The following SLC2A9 variants were observed in gnomAD, a reference collection of about 807,000 sequenced individuals.
SLC2A9 encodes solute carrier family 2, facilitated glucose transporter member 9.
SLC2A9 carries 39 observed loss-of-function variants against 50.6 expected under a neutral mutation model. That is an observed-to-expected ratio of 0.77 (90% CI 0.60 to 1.01). SLC2A9 has a LOEUF of 1.01. SLC2A9 is among the 50% of genes least tolerant of loss of function. The pLI, the probability that SLC2A9 is intolerant of heterozygous loss-of-function variation, is 0.00. For missense variants in SLC2A9, 686 were observed against 677.6 expected, an observed-to-expected ratio of 1.01 and a Z score of -0.14; for synonymous variants, 324 against 276.9, an observed-to-expected ratio of 1.17 and a Z score of -1.69.
intron 3 of SLC2A9, chr4:9,783,720 G>T (rs1718842201): frequency 2.5e-6 from 1 of 408,156 alleles, no homozygotes; most frequent in Non-Finnish European, 4.5e-6. Context: ...AGAGTATGGT[G>T]CTGGGTCCTT....
intron 10 of SLC2A9, among the ~76,000 whole-genome samples, chr4:9,862,548 G>T (rs1481186998): frequency 6.6e-6 from 1 of 151,988 alleles, no homozygotes; most frequent in Admixed American, 6.5e-5. Context: ...GAGGGTTGAA[G>T]AAAATATGTT....
chr4:9,776,354 C>T (rs1206432735), downstream of SLC2A9, among the ~76,000 whole-genome samples: 2 of 151,996 alleles, frequency 1.3e-5, no homozygotes, highest in Admixed American at 1.3e-4. Context: ...TGCGATCATC[C>T]TTCTCGCCAC....
intron 3 of SLC2A9, among the ~76,000 whole-genome samples, chr4:9,792,433 C>T (rs1419903340): frequency 6.6e-6 from 1 of 151,428 alleles, no homozygotes. Flanking sequence ...AGGGATTCTT[C>T]TGCCTCAGCC....
At chr4:10,019,319 G>T in intron 1 of SLC2A9, 1 of 563,826 alleles carries the variant, frequency 1.8e-6, no homozygotes, top group Non-Finnish European at 3.2e-6. Context: ...CTTCCGGGTT[G>T]CGTGAGGATT....
intron 1 of SLC2A9, among the ~76,000 whole-genome samples, chr4:10,036,893 G>T (rs1764124273): frequency 2.0e-5 from 3 of 152,228 alleles, no homozygotes; most frequent in Admixed American, 6.5e-5. Flanking sequence ...ACCCTGGTAA[G>T]TATCAGGAGG....
At chr4:9,913,326 TGTGTGAGA>T (rs1280828247) in intron 7 of SLC2A9, among the ~76,000 whole-genome samples, 155 of 129,864 alleles carry the variant, frequency 1.2e-3, no homozygotes, top group African/African-American at 4.8e-3. Flanking sequence ...TGTGTGTGTG[TGTGTGAGA>T]GAGAGAGAGA....
intron 5 of SLC2A9, among the ~76,000 whole-genome samples, chr4:9,943,192 C>T (rs1439367168): frequency 6.6e-6 from 1 of 152,162 alleles, no homozygotes; most frequent in Non-Finnish European, 1.5e-5. Flanking sequence ...TCTAGGATCC[C>T]ATGAAGGGAG....
intron 3 of SLC2A9, among the ~76,000 whole-genome samples, chr4:9,785,718 A>G (rs1230809449): frequency 1.3e-5 from 2 of 152,268 alleles, no homozygotes; most frequent in Non-Finnish European, 2.9e-5. Flanking sequence ...GATGCTGGGA[A>G]TGTAGTTGTC....
At chr4:9,785,092 T>C (rs1000341099) in intron 3 of SLC2A9, among the ~76,000 whole-genome samples, 8 of 152,122 alleles carry the variant, frequency 5.3e-5, no homozygotes, top group African/African-American at 1.9e-4. Context: ...TGTGAATGGA[T>C]AGCTAAGCGA....
chr4:9,953,087 C>G (rs1750602617), intron 5 of SLC2A9, among the ~76,000 whole-genome samples: 1 of 152,220 alleles, frequency 6.6e-6, no homozygotes, highest in African/African-American at 2.4e-5. Flanking sequence ...TTCACAAGTT[C>G]TGTGACTTTA....
intron 5 of SLC2A9, among the ~76,000 whole-genome samples, chr4:9,964,321 G>A (rs1752737136): frequency 6.6e-6 from 1 of 152,144 alleles, no homozygotes; most frequent in South Asian, 2.1e-4. Context: ...AACACGTTTT[G>A]AGAACTCTGG....
intron 11 of SLC2A9, among the ~76,000 whole-genome samples, chr4:9,830,473 C>A (rs1017509432): frequency 6.6e-6 from 1 of 152,210 alleles, no homozygotes; most frequent in Non-Finnish European, 1.5e-5. Context: ...CATGTGTTTA[C>A]TTGTGTAACA....
In SLC2A9 at chr4:9,930,533, C is replaced by T. The variant is rs151036328; in HGVS notation, c.815-9961G>A. On this transcript the variant is annotated intron_variant, in intron 6 of 11. Coordinates refer to ENST00000264784, the MANE Select transcript of SLC2A9 (RefSeq NM_020041.3). Reference sequence around the variant, plus strand: ...CTGTCAGCTCGGGGCAGCGCTTGCACTAGGGGAAGGCTCATGGCAGATGCT... The same window carrying T: ...CTGTCAGCTCGGGGCAGCGCTTGCATTAGGGGAAGGCTCATGGCAGATGCT... Among the ~76,000 whole-genome samples, 395 of 152,292 alleles carry T rather than the reference C, an allele frequency of 2.6e-3. 6 individuals are homozygous for T. The highest frequency in any genetic ancestry group is 9.3e-3 in the African/African-American group (386 of 41,566).
At chr4:9,848,617 T>C (rs1729375811) in intron 10 of SLC2A9, among the ~76,000 whole-genome samples, 1 of 152,070 alleles carries the variant, frequency 6.6e-6, no homozygotes, top group Non-Finnish European at 1.5e-5. Context: ...GTCTCTTGGG[T>C]GCTTGACAGA....
intron 11 of SLC2A9, among the ~76,000 whole-genome samples, chr4:9,829,141 C>T (rs1324510313): frequency 6.6e-6 from 1 of 152,182 alleles, no homozygotes; most frequent in African/African-American, 2.4e-5. Context: ...CAGTAGCTCA[C>T]ACCTGTAATC....
chr4:10,014,767 G>A (rs150399871), intron 2 of SLC2A9, among the ~76,000 whole-genome samples: 57 of 152,288 alleles, frequency 3.7e-4, no homozygotes, highest in African/African-American at 1.4e-3. Flanking sequence ...GGACATGGAT[G>A]TGTGTCGTTT....
Position 9,773,191 on chromosome 4 carries a change from C to G in SLC2A9, n.182-1822G>C, listed in dbSNP as rs376157710. Among the ~76,000 whole-genome samples the G allele has an allele frequency of 9.2e-5, 14 of 152,324 alleles. No homozygotes were observed. In the East Asian group the frequency reaches 2.5e-3, roughly 27 times the overall value. On this transcript the variant is annotated intron_variant and non_coding_transcript_variant, in intron 1 of 1. Coordinates refer to the SLC2A9 transcript ENST00000508585. The stretch of plus-strand genomic sequence containing the variant: ...CAAGAGGAGGCTCTAGGGCCACCAT[C>G]AGGGGTCCTGTGGTTGAGGTGATGT...
chr4:9,869,086 T>C lies in SLC2A9; in HGVS notation c.1291+18481A>G, dbSNP rs1732979138. On this transcript the variant is annotated intron_variant, in intron 10 of 11. Transcript: ENST00000264784. ...AAAATGGTCAACTAAATTCTATGTA[T>C]TGACAGAGCCTATTGGCAATAATGA... Among the ~76,000 whole-genome samples the C allele has an allele frequency of 2.0e-5, 3 of 152,208 alleles. No individual in the cohort carries two copies. The South Asian group carries it at 6.2e-4, about 31-fold the overall frequency.
intron 10 of SLC2A9, among the ~76,000 whole-genome samples, chr4:9,873,714 A>C (rs1440611526): frequency 6.6e-6 from 1 of 152,220 alleles, no homozygotes; most frequent in Non-Finnish European, 1.5e-5. Context: ...GGAGGAAATC[A>C]TCTAGCTGAG....
Sources: gnomAD v4.1 joint callset for allele counts (sites outside exome capture counted in the v4.1 genomes callset) on GRCh38, gnomAD v4.1.1 for gene constraint, MANE v1.5 for transcripts, NCBI Gene and HGNC (gene_info 2026-07-23, HGNC 2026-07-21) for gene names.